GRID2: variants seen among roughly 807,000 people sequenced by gnomAD.
The protein encoded by GRID2 is glutamate receptor ionotropic, delta-2.
In GRID2, 33 loss-of-function variants were observed where a neutral mutation model predicts 114.8. The ratio of observed to expected loss-of-function variants is 0.29; its 90% CI spans 0.22 to 0.38. The LOEUF is 0.38. Among genes scored for constraint, GRID2 ranks in the 10% least tolerant of loss-of-function variants. The pLI is 1.00. For synonymous variants in GRID2, 505 were observed against 449.9 expected, an observed-to-expected ratio of 1.12 and a Z score of -1.55; for missense variants, 1,184 against 1,257.7, an observed-to-expected ratio of 0.94 and a Z score of 0.89.
At chr4:93,094,597 C>T (rs190730394) in intron 3 of GRID2, among the ~76,000 whole-genome samples, 209 of 151,808 alleles carry the variant, frequency 1.4e-3, no homozygotes, top group South Asian at 4.8e-3. Context: ...TAATGAAAGG[C>T]GACAATCTGA....
chr4:92,557,753 T>G (rs1726927519), intron 1 of GRID2, among the ~76,000 whole-genome samples: 1 of 151,870 alleles, frequency 6.6e-6, no homozygotes, highest in African/African-American at 2.4e-5. Context: ...GGACATCCTC[T>G]AGTCCTAGGT....
intron 2 of GRID2, among the ~76,000 whole-genome samples, chr4:92,991,066 A>C (rs1347242476): frequency 6.6e-6 from 1 of 152,202 alleles, no homozygotes; most frequent in Admixed American, 6.5e-5. Flanking sequence ...CATTACGGAC[A>C]ATGACTCTGT....
intron 1 of GRID2, among the ~76,000 whole-genome samples, chr4:92,372,280 G>A (rs896400009): frequency 6.6e-6 from 1 of 152,166 alleles, no homozygotes; most frequent in African/African-American, 2.4e-5. Context: ...TCTACCGTGA[G>A]TGAAATGCTA....
intron 2 of GRID2, among the ~76,000 whole-genome samples, chr4:92,976,569 A>G (rs997714585): frequency 1.3e-5 from 2 of 152,104 alleles, no homozygotes; most frequent in African/African-American, 4.8e-5. Context: ...TATATAATAC[A>G]TTTCTGGCAC....
At chr4:92,419,290 ACCT>A (rs1375622972) in intron 1 of GRID2, among the ~76,000 whole-genome samples, 4 of 151,952 alleles carry the variant, frequency 2.6e-5, no homozygotes, top group African/African-American at 7.2e-5. Flanking sequence ...TGTGATTTAA[ACCT>A]CCTAAAACTC....
At chr4:92,691,490 T>A (rs957103473) in intron 2 of GRID2, among the ~76,000 whole-genome samples, 1 of 152,146 alleles carries the variant, frequency 6.6e-6, no homozygotes, top group African/African-American at 2.4e-5. Context: ...AAGGGAGCGA[T>A]GGCATTGGTC....
At chr4:92,424,731 GAA>G (rs1269600751) in intron 1 of GRID2, among the ~76,000 whole-genome samples, 1 of 138,612 alleles carries the variant, frequency 7.2e-6, no homozygotes. Context: ...CTTTTGAACT[GAA>G]AAAAAAAAAC....
chr4:92,512,413 CAAAAG>C (rs1560680673), intron 1 of GRID2, among the ~76,000 whole-genome samples: 2 of 151,604 alleles, frequency 1.3e-5, no homozygotes, highest in African/African-American at 4.8e-5. Context: ...TATTTTAAGA[CAAAAG>C]AAATTCTAAA....
chr4:93,547,360 T>C (rs553714220), intron 13 of GRID2, among the ~76,000 whole-genome samples: 1 of 152,264 alleles, frequency 6.6e-6, no homozygotes, highest in East Asian at 1.9e-4. Context: ...TACTCAAAGG[T>C]GTTTTTAACT....
intron 13 of GRID2, among the ~76,000 whole-genome samples, chr4:93,596,883 A>G (rs1739163279): frequency 6.6e-6 from 1 of 152,214 alleles, no homozygotes; most frequent in Non-Finnish European, 1.5e-5. Context: ...GATCTGGTTT[A>G]TGGCTGGTGT....
intron 8 of GRID2, among the ~76,000 whole-genome samples, chr4:93,293,771 C>T (rs1753993506): frequency 6.6e-6 from 1 of 152,040 alleles, no homozygotes; most frequent in Non-Finnish European, 1.5e-5. Context: ...ATGGATCCAC[C>T]CAATCATAAG....
intron 2 of GRID2, among the ~76,000 whole-genome samples, chr4:92,779,562 T>C (rs1413309604): frequency 6.6e-6 from 1 of 152,106 alleles, no homozygotes; most frequent in East Asian, 1.9e-4. Context: ...AGGTTTCTCA[T>C]ATTCTGCTCT....
chr4:93,136,858 A>G (rs1289837412), intron 4 of GRID2, among the ~76,000 whole-genome samples: 1 of 152,182 alleles, frequency 6.6e-6, no homozygotes, highest in Non-Finnish European at 1.5e-5. Flanking sequence ...ATAAAATACT[A>G]TCCAAATCTT....
intron 1 of GRID2, among the ~76,000 whole-genome samples, chr4:92,497,285 CT>C (rs1723436073): frequency 6.6e-6 from 1 of 151,668 alleles, no homozygotes; most frequent in Non-Finnish European, 1.5e-5. Context: ...CAGGTGGTAT[CT>C]AATTTTCATT....
chr4:93,625,863 G>C (rs1202159123), intron 13 of GRID2, among the ~76,000 whole-genome samples: 1 of 152,008 alleles, frequency 6.6e-6, no homozygotes, highest in East Asian at 1.9e-4. Context: ...TGCAGTGAGC[G>C]GAGATCGCGC....
rs1301802183 is a variant in GRID2, at chr4:93,512,738, T to A, written c.1998-2478T>A. 2.0e-5 allele frequency among the ~76,000 whole-genome samples: 3 copies of A among 152,182 alleles called. No homozygotes were observed. The South Asian group carries it at 6.2e-4, about 32-fold the overall frequency. The stretch of plus-strand genomic sequence containing the variant: ...CACCAGGAGCTTCACATGGGCAATA[T>A]ATTAAGATATTCCTCTAAAAATGCA... On this transcript the variant is annotated intron_variant, in intron 12 of 15. Transcript: ENST00000282020.
intron 13 of GRID2, among the ~76,000 whole-genome samples, chr4:93,553,677 A>G (rs957808682): frequency 6.6e-6 from 1 of 152,206 alleles, no homozygotes; most frequent in Non-Finnish European, 1.5e-5. Context: ...AACTTTTAAA[A>G]GTTAATCCAC....
At chr4:92,392,624 C>A (rs1200140851) in intron 1 of GRID2, among the ~76,000 whole-genome samples, 1 of 151,930 alleles carries the variant, frequency 6.6e-6, no homozygotes, top group Non-Finnish European at 1.5e-5. Context: ...TCAGTATGTA[C>A]CCCCTGTAAA....
chr4:92,951,101 C>A (rs955144995), intron 2 of GRID2, among the ~76,000 whole-genome samples: 1 of 152,002 alleles, frequency 6.6e-6, no homozygotes, highest in African/African-American at 2.4e-5. Context: ...AGGACTAGAA[C>A]CACACTATCT....
Sources: allele counts gnomAD v4.1 joint callset (sites outside exome capture counted in the v4.1 genomes callset), GRCh38; gene constraint gnomAD v4.1.1; transcripts MANE v1.5; gene names NCBI Gene and HGNC (gene_info 2026-07-23, HGNC 2026-07-21).